DLG2: variants seen among roughly 807,000 people sequenced by gnomAD.
DLG2 encodes the protein disks large homolog 2.
DLG2 carries 45 observed loss-of-function variants against 132.5 expected under a neutral mutation model. The ratio of observed to expected loss-of-function variants is 0.34; its 90% CI spans 0.27 to 0.44. The LOEUF (loss-of-function observed/expected upper bound fraction) is 0.44, where lower values mean the gene tolerates loss of function less well. Ranked by LOEUF, DLG2 falls within the 20% of genes least tolerant of loss-of-function variation. DLG2 has a pLI of 1.00. For synonymous variants in DLG2, 424 were observed against 419.6 expected (o/e 1.01, Z -0.13); for missense variants, 1,045 against 1,196.9 (o/e 0.87, Z 1.87).
intron 7 of DLG2, among the ~76,000 whole-genome samples, chr11:84,330,826 A>G (rs1433184524): frequency 1.1e-4 from 17 of 152,064 alleles, no homozygotes. Flanking sequence ...CCCTTATTTC[A>G]TTTCTAGGTA....
intron 3 of DLG2, among the ~76,000 whole-genome samples, chr11:85,366,942 T>C (rs1407480625): frequency 2.0e-5 from 3 of 152,150 alleles, no homozygotes; most frequent in African/African-American, 4.8e-5. Flanking sequence ...CAATTATGTA[T>C]CACTGTGATT....
chr11:83,733,360 C>CA (rs2091366357), intron 18 of DLG2, among the ~76,000 whole-genome samples: 1 of 150,288 alleles, frequency 6.7e-6, no homozygotes, highest in South Asian at 2.1e-4. Flanking sequence ...TAGGACTTAA[C>CA]AAAATCTCTC....
chr11:85,384,149 T>C (rs1384801787), intron 3 of DLG2, among the ~76,000 whole-genome samples: 1 of 152,190 alleles, frequency 6.6e-6, no homozygotes, highest in African/African-American at 2.4e-5. Flanking sequence ...AAGTCCAACA[T>C]GTGCCAGGTA....
intron 19 of DLG2, among the ~76,000 whole-genome samples, chr11:83,551,414 C>G (rs1565762922): frequency 6.6e-6 from 1 of 152,056 alleles, no homozygotes; most frequent in Non-Finnish European, 1.5e-5. Flanking sequence ...GGATAAAACT[C>G]GTTTTACTCA....
chr11:84,384,700 T>G (rs2098762065), intron 7 of DLG2, among the ~76,000 whole-genome samples: 1 of 152,006 alleles, frequency 6.6e-6, no homozygotes, highest in Non-Finnish European at 1.5e-5. Flanking sequence ...CCGAAATGCA[T>G]TCTCACGAAC....
chr11:84,138,454 A>G (rs1202890339), intron 9 of DLG2, among the ~76,000 whole-genome samples: 1 of 152,226 alleles, frequency 6.6e-6, no homozygotes, highest in Non-Finnish European at 1.5e-5. Flanking sequence ...TGATAGGTCA[A>G]ACGTGTGTTG....
At chr11:83,643,947 G>C (rs1199385650) in intron 18 of DLG2, among the ~76,000 whole-genome samples, 4 of 151,678 alleles carry the variant, frequency 2.6e-5, no homozygotes, top group Admixed American at 6.6e-5. Context: ...GACTTGTTTG[G>C]TTACCCTAAG....
At chr11:83,991,785 G>A (rs1387442011) in intron 11 of DLG2, among the ~76,000 whole-genome samples, 1 of 152,076 alleles carries the variant, frequency 6.6e-6, no homozygotes, top group African/African-American at 2.4e-5. Flanking sequence ...ATCTGTTATA[G>A]GTTGAACTAT....
At chr11:83,727,847 C>G (rs893917812) in intron 18 of DLG2, among the ~76,000 whole-genome samples, 7 of 152,120 alleles carry the variant, frequency 4.6e-5, no homozygotes, top group African/African-American at 7.2e-5. Flanking sequence ...TTAGTGAGAT[C>G]AAACAAAAGG....
At chr11:84,129,950 T>C (rs1460956264) in intron 9 of DLG2, among the ~76,000 whole-genome samples, 2 of 152,080 alleles carry the variant, frequency 1.3e-5, no homozygotes, top group African/African-American at 2.4e-5. Flanking sequence ...ATAAATCCTA[T>C]ATTAAATAGT....
chr11:83,764,292 C>A (rs1378360711), intron 18 of DLG2, among the ~76,000 whole-genome samples: 2 of 152,140 alleles, frequency 1.3e-5, no homozygotes, highest in African/African-American at 2.4e-5. Flanking sequence ...AAGCTTCCTA[C>A]CCTACCACTC....
At chr11:84,165,208 C>T (rs2095634334) in intron 8 of DLG2, among the ~76,000 whole-genome samples, 1 of 152,108 alleles carries the variant, frequency 6.6e-6, no homozygotes, top group Non-Finnish European at 1.5e-5. Context: ...TATTAAAGTG[C>T]TGCAAACTGG....
chr11:83,790,474 C>G, intron 17 of DLG2: 1 of 1,218,026 alleles, frequency 8.2e-7, no homozygotes, highest in Middle Eastern at 1.9e-4. Flanking sequence ...AGGCTTGTCA[C>G]TACCATGGGA....
At chr11:84,845,050 G>A (rs529945083) in intron 6 of DLG2, among the ~76,000 whole-genome samples, 2 of 152,156 alleles carry the variant, frequency 1.3e-5, no homozygotes, top group South Asian at 2.1e-4. Context: ...TAATCAAACA[G>A]CAATGACTAT....
intron 7 of DLG2, among the ~76,000 whole-genome samples, chr11:84,474,293 C>A (rs745343023): frequency 7.2e-5 from 11 of 152,060 alleles, no homozygotes; most frequent in South Asian, 4.1e-4. Context: ...ATGCACCCAA[C>A]AAAAGATTAA....
chr11:85,354,963 C>G (rs1309655978), intron 3 of DLG2, among the ~76,000 whole-genome samples: 2 of 151,544 alleles, frequency 1.3e-5, no homozygotes, highest in East Asian at 1.9e-4. Flanking sequence ...AGGATTATAG[C>G]CCAGTACTTT....
intron 3 of DLG2, among the ~76,000 whole-genome samples, chr11:85,364,782 A>T (rs1024303260): frequency 6.6e-6 from 1 of 152,164 alleles, no homozygotes; most frequent in Non-Finnish European, 1.5e-5. Context: ...ATAGAATGTG[A>T]TTTCAGATAG....
intron 3 of DLG2, among the ~76,000 whole-genome samples, chr11:85,361,670 A>G (rs1224516513): frequency 2.6e-5 from 4 of 152,206 alleles, no homozygotes; most frequent in African/African-American, 9.6e-5. Context: ...TAGTATCCAC[A>G]GCATGTGCGT....
chr11:85,203,191 C>A (rs2081596066), intron 4 of DLG2, among the ~76,000 whole-genome samples: 1 of 150,930 alleles, frequency 6.6e-6, no homozygotes, highest in African/African-American at 2.4e-5. Context: ...AACATCAGAC[C>A]ATATATAAAT....
Sources: allele counts gnomAD v4.1 joint callset (sites outside exome capture counted in the v4.1 genomes callset), GRCh38; gene constraint gnomAD v4.1.1; transcripts MANE v1.5; gene names NCBI Gene and HGNC (gene_info 2026-07-23, HGNC 2026-07-21).